The following CECR2 variants were observed in gnomAD, a reference collection of about 807,000 sequenced individuals.
CECR2 encodes the protein chromatin remodeling regulator CECR2.
CECR2 carries 30 observed loss-of-function variants against 154.5 expected under a neutral mutation model. The observed-to-expected ratio is 0.19, with a 90% CI of 0.15 to 0.26. The LOEUF (loss-of-function observed/expected upper bound fraction) is 0.26. Ranked by LOEUF, CECR2 falls within the 10% of genes least tolerant of loss-of-function variation. CECR2 has a pLI of 1.00. For synonymous variants in CECR2, 725 were observed against 683.7 expected (o/e 1.06, Z -0.94); for missense variants, 1,743 against 1,829.3 (o/e 0.95, Z 0.86).
At chr22:17,384,296 C>G (rs2063234655) in intron 1 of CECR2, among the ~76,000 whole-genome samples, 1 of 152,212 alleles carries the variant, frequency 6.6e-6, no homozygotes, top group African/African-American at 2.4e-5. Flanking sequence ...GTTGCCCAGA[C>G]TGGTCTTGAC....
chr22:17,413,843 A>T (rs2054103914), intron 1 of CECR2, among the ~76,000 whole-genome samples: 1 of 142,780 alleles, frequency 7.0e-6, no homozygotes, highest in South Asian at 2.3e-4. Context: ...CGGCCGGCTA[A>T]TTTTTTTTTT....
At chr22:17,440,094 C>A (rs2054562283) in intron 1 of CECR2, among the ~76,000 whole-genome samples, 1 of 150,486 alleles carries the variant, frequency 6.6e-6, no homozygotes. Flanking sequence ...AAAAAGTATA[C>A]TTGTTTGTAT....
At chr22:17,550,144 A>AT (rs2056686283) in intron 17 of CECR2, 2 of 151,486 alleles carry the variant, frequency 1.3e-5, no homozygotes, top group South Asian at 2.1e-4. Flanking sequence ...TTATTTATTT[A>AT]TTTATTTATT....
intron 6 of CECR2, among the ~76,000 whole-genome samples, 176 bp from the exon 7 acceptor site, chr22:17,504,671 G>A (rs1446971235): frequency 6.6e-6 from 1 of 151,574 alleles, no homozygotes; most frequent in Admixed American, 6.6e-5. Flanking sequence ...TCGATCTCCT[G>A]ACCTCGTGAT....
At chr22:17,482,638 A>T (rs189029624) in intron 2 of CECR2, among the ~76,000 whole-genome samples, 1 of 151,774 alleles carries the variant, frequency 6.6e-6, no homozygotes, top group Non-Finnish European at 1.5e-5. Flanking sequence ...GTCTCAAACG[A>T]TCTTCCCACT....
chr22:17,407,792 G>C (rs982936889), intron 1 of CECR2, among the ~76,000 whole-genome samples: 4 of 152,128 alleles, frequency 2.6e-5, no homozygotes, highest in Non-Finnish European at 5.9e-5. Flanking sequence ...AGGGGTGTGG[G>C]TAGAGGTCAG....
At chr22:17,529,824 T>C (rs1186363962) in intron 9 of CECR2, among the ~76,000 whole-genome samples, 7 of 151,628 alleles carry the variant, frequency 4.6e-5, no homozygotes, top group Non-Finnish European at 8.8e-5. Flanking sequence ...ATAGTTCTTA[T>C]GGAAGGAATT....
intron 8 of CECR2, among the ~76,000 whole-genome samples, chr22:17,517,397 C>T (rs1289648953): frequency 6.6e-6 from 1 of 152,206 alleles, no homozygotes; most frequent in Non-Finnish European, 1.5e-5. Context: ...ATCCCAGTCT[C>T]ATGTAGTTCT....
At chr22:17,449,576 G>GC (rs1458037705) in intron 1 of CECR2, among the ~76,000 whole-genome samples, 2 of 134,210 alleles carry the variant, frequency 1.5e-5, no homozygotes, top group Non-Finnish European at 3.0e-5. Context: ...TGCAAGCTCT[G>GC]CCTCCCAGGT....
chr22:17,501,011 C>G (rs2055728265), intron 5 of CECR2, among the ~76,000 whole-genome samples: 1 of 152,012 alleles, frequency 6.6e-6, no homozygotes, highest in African/African-American at 2.4e-5. Flanking sequence ...TTTTTTCATT[C>G]TTCAATTTTA....
At chr22:17,526,441 A>G (rs2056266196) in intron 9 of CECR2, among the ~76,000 whole-genome samples, 1 of 152,232 alleles carries the variant, frequency 6.6e-6, no homozygotes, top group Non-Finnish European at 1.5e-5. Context: ...GGGAAACTGG[A>G]TATCCATAAG....
At chr22:17,392,869 G>A (rs1193418849) in intron 1 of CECR2, among the ~76,000 whole-genome samples, 2 of 151,924 alleles carry the variant, frequency 1.3e-5, no homozygotes, top group African/African-American at 2.4e-5. Flanking sequence ...GTGAAACCCC[G>A]TCTCTACTAA....
rs1411292202 is a variant in CECR2 at position 17,543,477 on chromosome 22, C to T, written c.2860+474C>T. ...TTCTCAGATTTGGGCCAATCACAGT[C>T]CTTCTCTTGGTCCGTCGATCCCATT... On this transcript the variant is annotated intron_variant, in intron 16 of 18. Coordinates refer to ENST00000262608, the MANE Select transcript of CECR2 (RefSeq NM_001290047.2). Among the ~76,000 whole-genome samples the T allele has an allele frequency of 2.6e-5, 4 of 152,126 alleles. No homozygotes were observed. The South Asian group carries it at 8.3e-4, about 32-fold the overall frequency.
chr22:17,534,071 A>G (rs996940693), intron 9 of CECR2, among the ~76,000 whole-genome samples: 3 of 152,180 alleles, frequency 2.0e-5, no homozygotes, highest in African/African-American at 7.2e-5. Flanking sequence ...ATTATGCCAC[A>G]TAATGAGATC....
chr22:17,541,979 A>G lies in CECR2; in HGVS notation c.2013+12A>G. ...CTTTCACCATGCAGGTAAGCAGCCT[A>G]CTCTGGAGGTGCAGGTGCAGGGGGT... On this transcript the variant is annotated intron_variant, in intron 15 of 18. Transcript: ENST00000262608. 4 of 1,608,006 alleles carry G rather than the reference A, an allele frequency of 2.5e-6. No individual in the cohort carries two copies. The highest frequency in any genetic ancestry group is 3.4e-6 in the Non-Finnish European group (4 of 1,177,118).
chr22:17,536,888 G>C (rs1052131225), intron 9 of CECR2, among the ~76,000 whole-genome samples: 1 of 152,126 alleles, frequency 6.6e-6, no homozygotes, highest in Non-Finnish European at 1.5e-5. Context: ...CTCAGTGTGA[G>C]TGAGGAAACA....
intron 1 of CECR2, among the ~76,000 whole-genome samples, chr22:17,374,387 A>C (rs1402815206): frequency 1.3e-5 from 2 of 152,218 alleles, no homozygotes; most frequent in Non-Finnish European, 2.9e-5. Context: ...TTAAACATTA[A>C]GTAATAGAAA....
At position 17,548,268 on chromosome 22, in the gene CECR2, C is replaced by G. The variant is rs762171382; in HGVS notation, c.2981C>G (p.Ser994Ter). The change falls in exon 17 of 19, where the codon TCA (serine) becomes TGA (stop). Residue 994 changes from serine (S) to a stop codon, truncating the protein, a stop_gained. Coordinates refer to ENST00000262608, the MANE Select transcript of CECR2 (RefSeq NM_001290047.2). LOFTEE classifies it high-confidence loss of function. ...PLQTDCTRQS[S>*]PQERETVGPE... ...CAGACTGACTGCACCAGGCAGAGCT[C>G]ACCACAAGAAAGGGAAACAGTGGGC... 3 of 1,606,460 alleles carry G rather than the reference C, an allele frequency of 1.9e-6. No individual in the cohort carries two copies. In the Admixed American group the frequency reaches 5.1e-5, roughly 27 times the overall value.
chr22:17,399,856 ATT>A (rs2053866388), intron 1 of CECR2, among the ~76,000 whole-genome samples: 1 of 152,180 alleles, frequency 6.6e-6, no homozygotes, highest in Non-Finnish European at 1.5e-5. Context: ...TTAAGGGAAA[ATT>A]TGTCTAGAAA....
Sources: gnomAD v4.1 joint callset for allele counts (sites outside exome capture counted in the v4.1 genomes callset) on GRCh38, gnomAD v4.1.1 for gene constraint, MANE v1.5 for transcripts, NCBI Gene and HGNC (gene_info 2026-07-23, HGNC 2026-07-21) for gene names.